KATNBL1: variants seen among roughly 807,000 people sequenced by gnomAD.
The protein encoded by KATNBL1 is KATNB1-like protein 1.
KATNBL1 carries 28 observed loss-of-function variants against 44.7 expected under a neutral mutation model. That is an observed-to-expected ratio of 0.63 (90% CI 0.46 to 0.86). The LOEUF is 0.86. Ranked by LOEUF, KATNBL1 falls within the 40% of genes least tolerant of loss-of-function variation. The pLI is 0.00. For missense variants in KATNBL1, 272 were observed against 350.7 expected, an observed-to-expected ratio of 0.78 and a Z score of 1.79; for synonymous variants, 78 against 114.9, an observed-to-expected ratio of 0.68 and a Z score of 2.06.
chr15:34,166,078 G>A (rs1888961941), intron 1 of KATNBL1: 1 of 152,514 alleles, frequency 6.6e-6, no homozygotes, highest in South Asian at 2.1e-4. Flanking sequence ...ATCTCACTGG[G>A]ACTGGCTGGA....
chr15:34,162,531 T>C (rs1370232884), intron 2 of KATNBL1, among the ~76,000 whole-genome samples: 1 of 152,222 alleles, frequency 6.6e-6, no homozygotes, highest in East Asian at 1.9e-4. Flanking sequence ...AGCTCCCTAT[T>C]TTCCACACTT....
intron 2 of KATNBL1, among the ~76,000 whole-genome samples, chr15:34,160,926 C>A (rs1011526894): frequency 2.6e-5 from 4 of 152,138 alleles, no homozygotes; most frequent in African/African-American, 7.2e-5. Flanking sequence ...AGGCTCAACA[C>A]CCCCCTGCTG....
chr15:34,159,869 C>A (rs1442089467), intron 2 of KATNBL1, among the ~76,000 whole-genome samples: 1 of 152,106 alleles, frequency 6.6e-6, no homozygotes, highest in Admixed American at 6.5e-5. Flanking sequence ...TGCTCTAAAC[C>A]CTTCTCCTTT....
intron 1 of KATNBL1, among the ~76,000 whole-genome samples, chr15:34,197,413 A>C (rs1410558426): frequency 1.3e-5 from 2 of 152,224 alleles, no homozygotes; most frequent in East Asian, 3.8e-4. Flanking sequence ...TAAATAATCC[A>C]CTTACCACAA....
At chr15:34,148,827 G>C in intron 4 of KATNBL1, 77 bp from the exon 5 acceptor site, 1 of 805,184 alleles carries the variant, frequency 1.2e-6, no homozygotes, top group East Asian at 2.5e-5. Flanking sequence ...AAATCGTTCT[G>C]GTAGACATAG....
At chr15:34,182,158 T>A (rs553088491) in intron 1 of KATNBL1, among the ~76,000 whole-genome samples, 1 of 151,976 alleles carries the variant, frequency 6.6e-6, no homozygotes. Context: ...ACGAATACAC[T>A]GTAATGCCTC....
chr15:34,200,714 A>C (rs1446592425), intron 1 of KATNBL1, among the ~76,000 whole-genome samples: 1 of 152,240 alleles, frequency 6.6e-6, no homozygotes, highest in Non-Finnish European at 1.5e-5. Flanking sequence ...GATCAAACTG[A>C]ATTCCAACTC....
chr15:34,209,623 GT>G (rs1280673907), intron 1 of KATNBL1: 1 of 152,380 alleles, frequency 6.6e-6, no homozygotes, highest in African/African-American at 2.4e-5. Context: ...CACTCGTTCT[GT>G]CCTTCCCCTT....
At chr15:34,198,461 T>C (rs1230313233) in intron 1 of KATNBL1, 1 of 152,194 alleles carries the variant, frequency 6.6e-6, no homozygotes, top group Non-Finnish European at 1.5e-5. Context: ...TATGAAACAG[T>C]AGATAGTGGT....
In KATNBL1 at chr15:34,195,164, C is replaced by T. The variant is rs546897300; in HGVS notation, c.-15+14787G>A. Among the ~76,000 whole-genome samples the T allele has an allele frequency of 4.4e-5, 3 of 68,540 alleles. No individual in the cohort carries two copies. The South Asian group carries it at 1.8e-3, about 41-fold the overall frequency. 45.0% of individuals were successfully genotyped at this position (68,540 alleles called of 152,430 possible). A position where few individuals can be genotyped will look rare whatever the true frequency, so the allele number is the denominator to read the frequency against. On this transcript the variant is annotated intron_variant, in intron 1 of 9. Transcript: ENST00000256544. ...TGCACTCATATGTTTATTGCAGCAC[C>T]AATTTATAATAGGAAAGATATGGAA...
chr15:34,171,745 A>T (rs562901230), intron 1 of KATNBL1, among the ~76,000 whole-genome samples: 4 of 152,212 alleles, frequency 2.6e-5, no homozygotes, highest in Admixed American at 6.5e-5. Context: ...ATCATGGAAT[A>T]CTACGCAGCC....
intron 5 of KATNBL1, 43 bp downstream of exon 5, chr15:34,148,589 G>T (rs936765373): frequency 8.5e-7 from 1 of 1,171,246 alleles, no homozygotes; most frequent in Non-Finnish European, 1.3e-6. Context: ...ACTTGTCTCA[G>T]AAAAAAAGTG....
In KATNBL1 at chr15:34,142,160, C is replaced by A. The variant is rs780269161; in HGVS notation, c.*179G>T. 1.0e-4 allele frequency: 52 copies of A among 502,670 alleles called. No individual in the cohort carries two copies. Among genetic ancestry groups the A allele is most frequent in the Non-Finnish European group, 1.6e-4 (49 of 302,832 alleles). The allele number at this position is 502,670 out of a possible 1,614,324, so 31.1% of individuals were successfully genotyped here. The stretch of plus-strand genomic sequence containing the variant: ...GCTCCTTTTGGATATTTTTCCACTT[C>A]AATGTGAAGCAGATTGCTGGGATTT... On this transcript the variant is annotated 3_prime_UTR_variant, in exon 10 of 10. Coordinates refer to ENST00000256544, the MANE Select transcript of KATNBL1 (RefSeq NM_024713.3).
intron 1 of KATNBL1, among the ~76,000 whole-genome samples, chr15:34,201,745 T>C (rs1161018080): frequency 1.3e-5 from 2 of 152,200 alleles, no homozygotes; most frequent in Non-Finnish European, 2.9e-5. Flanking sequence ...ATTGTCTTCT[T>C]GGACTCAGAA....
chr15:34,159,267 C>T (rs748991153), intron 2 of KATNBL1, among the ~76,000 whole-genome samples: 10 of 152,142 alleles, frequency 6.6e-5, no homozygotes, highest in Non-Finnish European at 8.8e-5. Context: ...CGGTGGCCCC[C>T]GTGTTTTTGA....
At chr15:34,162,083 C>G (rs1888824877) in intron 2 of KATNBL1, among the ~76,000 whole-genome samples, 1 of 152,134 alleles carries the variant, frequency 6.6e-6, no homozygotes, top group Non-Finnish European at 1.5e-5. Context: ...TTTCTCTGTT[C>G]TAATTCTGTA....
chr15:34,148,559 A>T, intron 5 of KATNBL1, 73 bp downstream of exon 5: 1 of 877,922 alleles, frequency 1.1e-6, no homozygotes, highest in South Asian at 1.5e-5. Context: ...CTGTACTCCA[A>T]CTTGGATGAC....
chr15:34,206,604 G>A (rs557872525), intron 1 of KATNBL1, among the ~76,000 whole-genome samples: 18 of 152,132 alleles, frequency 1.2e-4, no homozygotes, highest in South Asian at 4.1e-4. Context: ...CAGCCTGGCC[G>A]ACATGGCGAA....
chr15:34,178,850 G>A (rs529397416), intron 1 of KATNBL1, among the ~76,000 whole-genome samples: 6 of 151,740 alleles, frequency 4.0e-5, no homozygotes, highest in South Asian at 2.1e-4. Flanking sequence ...GGGCCTGTAC[G>A]TACTGATTCC....
Sources: allele counts gnomAD v4.1 joint callset (sites outside exome capture counted in the v4.1 genomes callset), GRCh38; gene constraint gnomAD v4.1.1; transcripts MANE v1.5; gene names NCBI Gene and HGNC (gene_info 2026-07-23, HGNC 2026-07-21).